EP400: variants seen among roughly 807,000 people sequenced by gnomAD.
EP400 encodes E1A-binding protein p400.
Under a neutral mutation model 354.1 loss-of-function variants are expected in EP400, and 105 were observed. The ratio of observed to expected loss-of-function variants is 0.30; its 90% confidence interval spans 0.25 to 0.35. EP400 has a LOEUF of 0.35. Ranked by LOEUF, EP400 falls within the 10% of genes least tolerant of loss-of-function variation. EP400 has a pLI of 1.00. For synonymous variants in EP400, 1,646 were observed against 1,716.9 expected, an observed-to-expected ratio of 0.96 and a Z score of 1.02; for missense variants, 3,280 against 4,121.0, an observed-to-expected ratio of 0.80 and a Z score of 5.59.
At chr12:131,991,746 A>G (rs1207653062) in intron 10 of EP400, among the ~76,000 whole-genome samples, 1 of 150,770 alleles carries the variant, frequency 6.6e-6, no homozygotes, top group Non-Finnish European at 1.5e-5. Flanking sequence ...ACACCTGGCT[A>G]ATTTTTTTTT....
chr12:132,004,283 A>G (rs1157077257), intron 12 of EP400, among the ~76,000 whole-genome samples: 1 of 152,240 alleles, frequency 6.6e-6, no homozygotes, highest in East Asian at 1.9e-4. Flanking sequence ...CAAATTGTGC[A>G]CTGATTTCCA....
chr12:132,043,723 AGTG>A lies in EP400; in HGVS notation c.6446_6448del (p.Ser2149_Glu2150delinsLys). On this transcript the variant is annotated inframe_deletion and splice_region_variant, in exon 34 of 53. Coordinates refer to ENST00000389561, the MANE Select transcript of EP400 (RefSeq NM_015409.5). ...TATTGAGCAAGAAAAGGAGAGAAAC[AGTG>A]AGGTAAGAGAATCAACTTTTGGTCA... 1 of 1,604,380 alleles carries A rather than the reference AGTG, an allele frequency of 6.2e-7. No individual in the cohort carries two copies. The highest frequency in any genetic ancestry group is 8.5e-7 in the Non-Finnish European group (1 of 1,177,524).
In EP400 at chr12:131,990,032, G is replaced by C. The variant is rs1892978910; in HGVS notation, c.2478G>C (p.Glu826Asp). 1.9e-6 allele frequency: 3 copies of C among 1,613,806 alleles called. No homozygotes were observed. The highest frequency in any genetic ancestry group is 2.5e-6 in the Non-Finnish European group (3 of 1,179,944). ...GTGAAGAAAGGGGGAAGAAGGAAGA[G>C]CAGAGCAGACTGAGGCGGATAGCCG... ...QLREERGKKEEQSRLRRIAAS... is the reference protein window; with the variant it reads ...QLREERGKKEDQSRLRRIAAS... The change falls in exon 8 of 53, where the codon GAG becomes GAC. Residue 826 changes from glutamate to aspartate, a missense_variant. Glu to Asp is a conservative substitution (Grantham distance 45). Around this residue, in one of 20 missense-constraint regions of EP400, gnomAD observed 800 missense variants for 840.0 expected, o/e 0.95. Coordinates refer to ENST00000389561, the MANE Select transcript of EP400 (RefSeq NM_015409.5). This position sits in a 1 kb window ranked among gnomAD's most constrained non-coding sequence, Gnocchi z 4.2.
At position 132,017,503 on chromosome 12, in the gene EP400, T is replaced by C; in HGVS notation, c.3924-32T>C. The C allele has an allele frequency of 6.2e-7, 1 of 1,609,282 alleles. No homozygotes were observed. Among genetic ancestry groups the C allele is most frequent in the Non-Finnish European group, 8.5e-7 (1 of 1,177,944 alleles). On this transcript the variant is annotated intron_variant, in intron 19 of 52. Transcript: ENST00000389561. The surrounding 1 kb of genome is among the most constrained non-coding windows in gnomAD (Gnocchi z 5.0). ...GACTATGTCCATGTGCCGTTTGGAT[T>C]GAATGCTTCGTGTTTCTTTCTCCAC...
intron 45 of EP400, among the ~76,000 whole-genome samples, chr12:132,058,407 T>C (rs1198490114): frequency 6.7e-6 from 1 of 149,636 alleles, no homozygotes; most frequent in Admixed American, 6.7e-5. Context: ...CAGGCTAAAG[T>C]GCAGTGGTGC....
At chr12:132,076,457 C>A in intron 51 of EP400, 59 bp from the exon 52 acceptor site, 1 of 1,557,966 alleles carries the variant, frequency 6.4e-7, no homozygotes, top group Non-Finnish European at 8.8e-7. Context: ...GAGGAAAAAT[C>A]TCTTTTTGTG....
chr12:131,976,209 C>T (rs754841980), intron 2 of EP400, among the ~76,000 whole-genome samples: 1 of 151,962 alleles, frequency 6.6e-6, no homozygotes, highest in Non-Finnish European at 1.5e-5. Flanking sequence ...ATATCCTTGC[C>T]TGCTTATTCT....
chr12:131,981,383 G>T, intron 3 of EP400, 106 bp from the exon 4 acceptor site: 1 of 825,318 alleles, frequency 1.2e-6, no homozygotes, highest in Non-Finnish European at 1.9e-6. Flanking sequence ...TTCATGTATA[G>T]AAAGGCCTCC....
chr12:132,045,369 C>G lies in EP400; in HGVS notation c.6835C>G (p.Arg2279Gly). ...QRHGEAVVPP[R>G]SLFDRATPGL... ...TCACGGGGAGGCGGTCGTCCCTCCTCGGTCCCTGTTTGACCGCGCAACACC... is the reference window on the plus strand; with the variant it reads ...TCACGGGGAGGCGGTCGTCCCTCCTGGGTCCCTGTTTGACCGCGCAACACC... Residue 2279 changes from arginine to glycine, a missense_variant, in exon 38 of 53, where the codon CGG (arginine) becomes GGG (glycine). Arg to Gly is a moderately radical substitution (Grantham distance 125). This residue lies in a region of EP400 where 231 missense variants were observed against 257.9 expected (regional missense o/e 0.90). Transcript: ENST00000389561. The G allele has an allele frequency of 6.2e-7, 1 of 1,614,238 alleles. No homozygotes were observed.
chr12:132,074,677 G>A (rs1447346840), intron 51 of EP400, among the ~76,000 whole-genome samples: 4 of 152,072 alleles, frequency 2.6e-5, no homozygotes, highest in Admixed American at 6.5e-5. Flanking sequence ...TTGTCTCGTC[G>A]TACTATATTC....
rs1057293527 is a variant in EP400, at chr12:132,029,381, A to G, written c.5382-320A>G. On this transcript the variant is annotated intron_variant, in intron 27 of 52. Transcript: ENST00000389561. This position sits in a 1 kb window ranked among gnomAD's most constrained non-coding sequence, Gnocchi z 4.7. ...AGTGCACCTTTGTCCCAAAGTTTCC[A>G]GCTGAAGACACACTAGAAAGAGAAT... 7.7e-5 allele frequency: 31 copies of G among 403,048 alleles called. No homozygotes were observed. Among genetic ancestry groups the G allele is most frequent in the Admixed American group, 1.6e-4 (4 of 24,844 alleles). 25.0% of individuals were successfully genotyped at this position (403,048 alleles called of 1,614,324 possible).
At chr12:132,006,911 T>A in intron 15 of EP400, 34 bp downstream of exon 15, 1 of 1,612,500 alleles carries the variant, frequency 6.2e-7, no homozygotes, top group Non-Finnish European at 8.5e-7. Context: ...ACAATACCTA[T>A]TTGCTAGGAC....
intron 2 of EP400, among the ~76,000 whole-genome samples, chr12:131,978,168 G>T (rs1011454366): frequency 6.6e-6 from 1 of 152,140 alleles, no homozygotes; most frequent in Non-Finnish European, 1.5e-5. Context: ...TAAAAAACAT[G>T]ATTTTTTACG....
chr12:131,994,268 C>T lies in EP400; in HGVS notation c.2738-599C>T, dbSNP rs527413985. ...TTGTGAGAGAAGAAAAGTTGAGAGC[C>T]AGCTGAGAGGAGAGATGGTGCAGGC... On this transcript the variant is annotated intron_variant, in intron 11 of 52. Coordinates refer to ENST00000389561, the MANE Select transcript of EP400 (RefSeq NM_015409.5). The surrounding 1 kb of genome is among the most constrained non-coding windows in gnomAD (Gnocchi z 4.6). Among the ~76,000 whole-genome samples the T allele has an allele frequency of 3.4e-4, 52 of 152,232 alleles. No homozygotes were observed. Among genetic ancestry groups the T allele is most frequent in the African/African-American group, 1.3e-3 (52 of 41,556 alleles).
chr12:132,044,663 C>T lies in EP400; in HGVS notation c.6586-8C>T, dbSNP rs1479249885. 1 of 1,614,018 alleles carries T rather than the reference C, an allele frequency of 6.2e-7. No homozygotes were observed. Among genetic ancestry groups the T allele is most frequent in the Non-Finnish European group, 8.5e-7 (1 of 1,180,046 alleles). On this transcript the variant is annotated splice_polypyrimidine_tract_variant and splice_region_variant and intron_variant, in intron 35 of 52. Coordinates refer to ENST00000389561, the MANE Select transcript of EP400 (RefSeq NM_015409.5). ...GGTGGAAGTCAGAGCTTGCCGTGTT[C>T]CCTACAGGAGTATGTCTACGAAGAT...
chr12:132,062,506 A>G lies in EP400; in HGVS notation c.8139A>G (p.Ala2713=). The change falls in exon 47 of 53, where the codon GCA becomes GCG. Residue 2713 remains alanine (A), a synonymous_variant. Transcript: ENST00000389561. ...VQLPGKTITP[A]HFQLLRQQQQ... is the part of the protein sequence containing the mutation. ...TCCCTGGAAAAACCATCACACCTGC[A>G]CATTTCCAGCTTCTCAGGCAGCAGC... 2 of 1,612,270 alleles carry G rather than the reference A, an allele frequency of 1.2e-6. No homozygotes were observed. The highest frequency in any genetic ancestry group is 1.7e-6 in the Non-Finnish European group (2 of 1,179,368).
rs554751533 is a variant in EP400, at chr12:132,067,096, G to A, written c.8749+127G>A. The A allele has an allele frequency of 3.9e-6, 5 of 1,286,106 alleles. No individual in the cohort carries two copies. Among genetic ancestry groups the A allele is most frequent in the Admixed American group, 3.0e-5 (1 of 33,046 alleles). The allele number at this position is 1,286,106 out of a possible 1,614,324, so 79.7% of individuals were successfully genotyped here. On this transcript the variant is annotated intron_variant, in intron 49 of 52. Transcript: ENST00000389561. This position sits in a 1 kb window ranked among gnomAD's most constrained non-coding sequence, Gnocchi z 5.3. ...CACCCACTTGAGCGTGCCATCACGT[G>A]TTCTAGCACAAACGTGCCTTGGCGC...
intron 12 of EP400, among the ~76,000 whole-genome samples, chr12:131,996,311 T>TTTTTTTTTG: frequency 1.3e-5 from 2 of 150,420 alleles, no homozygotes; most frequent in African/African-American, 2.5e-5. Context: ...TTTTTTTTTT[T>TTTTTTTTTG]GAGATGGAGT....
intron 30 of EP400, among the ~76,000 whole-genome samples, chr12:132,037,056 T>A (rs1166241267): frequency 6.6e-6 from 1 of 152,224 alleles, no homozygotes; most frequent in Non-Finnish European, 1.5e-5. Context: ...TTTAGCATTT[T>A]ACAGGCAGAT....
Sources: gnomAD v4.1 joint callset for allele counts (sites outside exome capture counted in the v4.1 genomes callset) on GRCh38, gnomAD v4.1.1 for gene constraint, gnomAD v4.1.1 regional missense constraint, Gnocchi (gnomAD v3.1) non-coding constraint, MANE v1.5 for transcripts, NCBI Gene and HGNC (gene_info 2026-07-23, HGNC 2026-07-21) for gene names.